The following PAXBP1 variants were observed in gnomAD, a reference collection of about 807,000 sequenced individuals.
PAXBP1 encodes the protein PAX3- and PAX7-binding protein 1.
A neutral mutation model predicts 119.9 loss-of-function variants in PAXBP1; 44 were observed. That is an observed-to-expected ratio of 0.37 (90% CI 0.29 to 0.47). The LOEUF (loss-of-function observed/expected upper bound fraction) is 0.47, where lower values mean the gene tolerates loss of function less well. Among genes scored for constraint, PAXBP1 ranks in the 20% least tolerant of loss-of-function variants. PAXBP1 has a pLI of 0.99. For synonymous variants in PAXBP1, 393 were observed against 406.6 expected, an observed-to-expected ratio of 0.97 and a Z score of 0.40; for missense variants, 898 against 1,134.1, an observed-to-expected ratio of 0.79 and a Z score of 2.99.
At position 32,734,821 on chromosome 21, in the gene PAXBP1, G is replaced by C; in HGVS notation, c.*129C>G. 1.4e-6 allele frequency: 1 copy of C among 717,494 alleles called. No homozygotes were observed. The highest frequency in any genetic ancestry group is 2.5e-6 in the Non-Finnish European group (1 of 401,596). The allele number at this position is 717,494 out of a possible 1,614,324, so 44.4% of individuals were successfully genotyped here. Reference sequence around the variant, plus strand: ...TGAAGAAATATCATTTAAGGACACAGTATTGAATATAATGTTTTTTGTATT... The same window carrying C: ...TGAAGAAATATCATTTAAGGACACACTATTGAATATAATGTTTTTTGTATT... On this transcript the variant is annotated 3_prime_UTR_variant, in exon 18 of 18. Transcript: ENST00000331923.
intron 6 of PAXBP1, 76 bp downstream of exon 6, chr21:32,759,701 T>C (rs2044105067): frequency 8.1e-7 from 1 of 1,234,280 alleles, no homozygotes; most frequent in Non-Finnish European, 1.2e-6. Context: ...ATTCTGCATC[T>C]GCTACCCCAG....
intron 15 of PAXBP1, among the ~76,000 whole-genome samples, chr21:32,739,722 T>C (rs2043748446): frequency 6.6e-6 from 1 of 151,174 alleles, no homozygotes; most frequent in Non-Finnish European, 1.5e-5. Flanking sequence ...CTGGCTAACA[T>C]GATGAAACCC....
rs1489764115 is a variant in PAXBP1, at chr21:32,757,690, G to A, written c.1383+1390C>T. On this transcript the variant is annotated intron_variant, in intron 7 of 17. Coordinates refer to ENST00000331923, the MANE Select transcript of PAXBP1 (RefSeq NM_016631.4). ...TACTCAAGAAAGTTCCGAAGCAAGC[G>A]CCAAGACACTTCAAGAAGCAGCTCT... Among the ~76,000 whole-genome samples, 8 of 152,152 alleles carry A rather than the reference G, an allele frequency of 5.3e-5. 1 individual carries two copies. The highest frequency in any genetic ancestry group is 1.0e-4 in the Non-Finnish European group (7 of 68,032).
At chr21:32,763,504 T>C (rs1175815268) in intron 3 of PAXBP1, among the ~76,000 whole-genome samples, 1 of 152,220 alleles carries the variant, frequency 6.6e-6, no homozygotes, top group African/African-American at 2.4e-5. Flanking sequence ...GTATAGAATT[T>C]ACTACAACTT....
At chr21:32,739,326 A>G (rs1278528461) in intron 15 of PAXBP1, among the ~76,000 whole-genome samples, 1 of 152,186 alleles carries the variant, frequency 6.6e-6, no homozygotes, top group Non-Finnish European at 1.5e-5. Flanking sequence ...TCCCATCTCT[A>G]ATTACCAATG....
At chr21:32,748,394 C>G (rs2043907130) in intron 11 of PAXBP1, 105 bp downstream of exon 11, 3 of 1,025,640 alleles carry the variant, frequency 2.9e-6, no homozygotes, top group African/African-American at 3.2e-5. Flanking sequence ...TATGCCCTAT[C>G]ACCCCTGCAA....
intron 15 of PAXBP1, among the ~76,000 whole-genome samples, chr21:32,740,172 C>T (rs1174096253): frequency 1.3e-5 from 2 of 152,234 alleles, no homozygotes; most frequent in African/African-American, 4.8e-5. Context: ...ATTCTGATTG[C>T]CTCTTCTGGA....
chr21:32,761,774 T>C (rs2044151353), intron 4 of PAXBP1, among the ~76,000 whole-genome samples: 2 of 152,200 alleles, frequency 1.3e-5, no homozygotes, highest in Non-Finnish European at 2.9e-5. Flanking sequence ...TGGTGGCTCA[T>C]GCCTGTAATC....
At position 32,762,329 on chromosome 21, in the gene PAXBP1, T is replaced by C. The variant is rs769743765; in HGVS notation, c.650-12A>G. 3.7e-6 allele frequency: 6 copies of C among 1,610,514 alleles called. No homozygotes were observed. The East Asian group carries it at 8.9e-5, about 24-fold the overall frequency. On this transcript the variant is annotated splice_polypyrimidine_tract_variant and intron_variant, in intron 3 of 17. Transcript: ENST00000331923. ...ATCTGGAATTTCTCCTAGAAACAAA[T>C]GGTAAGAATATGGCAGTATGAGAGA...
intron 15 of PAXBP1, chr21:32,741,494 G>GGTAT: frequency 1.3e-6 from 1 of 772,380 alleles, no homozygotes; most frequent in Non-Finnish European, 2.4e-6. Context: ...TGGACAAAAA[G>GGTAT]GTATGATCTA....
At position 32,740,386 on chromosome 21, in the gene PAXBP1, C is replaced by T. The variant is rs936765955; in HGVS notation, c.2335-2067G>A. ...TGCCCCGACCACCTTGGGCACATGT[C>T]ATCAGAACTTCCTAAGGCTGTGTCA... On this transcript the variant is annotated intron_variant, in intron 15 of 17. Coordinates refer to ENST00000331923, the MANE Select transcript of PAXBP1 (RefSeq NM_016631.4). Among the ~76,000 whole-genome samples, 3 of 152,238 alleles carry T rather than the reference C, an allele frequency of 2.0e-5. No individual in the cohort carries two copies. In the East Asian group the frequency reaches 5.8e-4, roughly 29 times the overall value.
intron 4 of PAXBP1, 134 bp downstream of exon 4, chr21:32,761,962 C>T: frequency 1.1e-6 from 1 of 870,788 alleles, no homozygotes; most frequent in Non-Finnish European, 1.8e-6. Flanking sequence ...CTGTTTGAGT[C>T]CACGAGTCAA....
intron 1 of PAXBP1, 42 bp downstream of exon 1, chr21:32,771,284 G>A (rs2044340001): frequency 2.0e-6 from 3 of 1,516,400 alleles, no homozygotes; most frequent in Non-Finnish European, 1.8e-6. Flanking sequence ...GGCCTGCGTC[G>A]GGGATGCGGC....
Position 32,764,608 on chromosome 21 carries a change from A to C in PAXBP1, c.473-84T>G, listed in dbSNP as rs2044209342. 3 of 1,086,194 alleles carry C rather than the reference A, an allele frequency of 2.8e-6. No homozygotes were observed. In the Admixed American group the frequency reaches 9.5e-5, roughly 34 times the overall value. The allele number at this position is 1,086,194 out of a possible 1,614,324, so 67.3% of individuals were successfully genotyped here. A position where few individuals can be genotyped will look rare whatever the true frequency, so the allele number is the denominator to read the frequency against. ...ATTCCAATGGTATTGACATCATTAA[A>C]AATTTTTTTAATTAAAAAAAGGGGA... On this transcript the variant is annotated intron_variant, in intron 2 of 17. Transcript: ENST00000331923.
intron 17 of PAXBP1, among the ~76,000 whole-genome samples, chr21:32,736,600 T>C (rs2043696502): frequency 6.6e-6 from 1 of 152,214 alleles, no homozygotes; most frequent in South Asian, 2.1e-4. Flanking sequence ...AAGGTTTTGT[T>C]ATAGGGGTAT....
intron 15 of PAXBP1, chr21:32,741,586 T>C (rs745512919): frequency 1.3e-6 from 1 of 768,294 alleles, no homozygotes; most frequent in Non-Finnish European, 2.4e-6. Context: ...CTTCTGGGTA[T>C]GGGGCAGGAC....
chr21:32,762,355 T>A, intron 3 of PAXBP1, 38 bp from the exon 4 acceptor site: 1 of 1,572,812 alleles, frequency 6.4e-7, no homozygotes, highest in African/African-American at 1.4e-5. Flanking sequence ...GTATGAGAGA[T>A]GCAAAGTTTC....
chr21:32,758,747 A>G (rs1403718490), intron 7 of PAXBP1, among the ~76,000 whole-genome samples: 2 of 152,102 alleles, frequency 1.3e-5, no homozygotes, highest in African/African-American at 2.4e-5. Flanking sequence ...CCTGAACCAG[A>G]AAAGAAAATT....
At chr21:32,738,142 CT>C in intron 16 of PAXBP1, 30 bp downstream of exon 16, 1 of 1,499,104 alleles carries the variant, frequency 6.7e-7, no homozygotes, top group Non-Finnish European at 8.9e-7. Flanking sequence ...AAATTATATG[CT>C]TTAAAAACTG....
Sources: allele counts gnomAD v4.1 joint callset (sites outside exome capture counted in the v4.1 genomes callset), GRCh38; gene constraint gnomAD v4.1.1; transcripts MANE v1.5; gene names NCBI Gene and HGNC (gene_info 2026-07-23, HGNC 2026-07-21).